The following DTNBP1 variants were observed in gnomAD, a reference collection of about 807,000 sequenced individuals.
The protein encoded by DTNBP1 is dysbindin.
In DTNBP1, 35 loss-of-function variants were observed where a neutral mutation model predicts 42.8. The ratio of observed to expected loss-of-function variants is 0.82; its 90% CI spans 0.63 to 1.09. The LOEUF is 1.09. Ranked by LOEUF, DTNBP1 falls within the 50% of genes least tolerant of loss-of-function variation. DTNBP1 has a pLI of 0.00. For missense variants in DTNBP1, 457 were observed against 424.2 expected (o/e 1.08, Z -0.68); for synonymous variants, 171 against 162.2 (o/e 1.05, Z -0.41).
intron 1 of DTNBP1, among the ~76,000 whole-genome samples, chr6:15,661,496 A>T (rs1287618666): frequency 6.6e-6 from 1 of 152,144 alleles, no homozygotes; most frequent in African/African-American, 2.4e-5. Context: ...GTCTCTACTA[A>T]AAAATACAAA....
intron 1 of DTNBP1, 147 bp downstream of exon 1, chr6:15,662,667 T>C (rs1761716593): frequency 8.2e-7 from 1 of 1,218,102 alleles, no homozygotes; most frequent in Non-Finnish European, 1.2e-6. Context: ...GCCGGGAAGT[T>C]CGTTACTTTC....
At chr6:15,548,001 A>G (rs1773982027) in intron 7 of DTNBP1, among the ~76,000 whole-genome samples, 1 of 152,236 alleles carries the variant, frequency 6.6e-6, no homozygotes, top group Non-Finnish European at 1.5e-5. Context: ...GAGATGTGAG[A>G]AAGTGAATAT....
In DTNBP1 at chr6:15,604,160, C is replaced by A. The variant is rs1475370905; in HGVS notation, c.489-11079G>T. Among the ~76,000 whole-genome samples the A allele has an allele frequency of 4.6e-5, 7 of 152,316 alleles. No individual in the cohort carries two copies. The East Asian group carries it at 1.4e-3, about 29-fold the overall frequency. On this transcript the variant is annotated intron_variant, in intron 6 of 9. Coordinates refer to ENST00000344537, the MANE Select transcript of DTNBP1 (RefSeq NM_032122.5). ...GGTACCATCACATCTCTTCTTTGTCCAAAATCCAGTGTCTTAAAAACATTC... is the reference window on the plus strand; with the variant it reads ...GGTACCATCACATCTCTTCTTTGTCAAAAATCCAGTGTCTTAAAAACATTC...
chr6:15,635,638 C>T (rs1323210970), intron 4 of DTNBP1, among the ~76,000 whole-genome samples: 1 of 152,150 alleles, frequency 6.6e-6, no homozygotes, highest in African/African-American at 2.4e-5. Flanking sequence ...GATAAAAATT[C>T]ATCGAATATT....
At chr6:15,567,882 T>G (rs1470955689) in intron 7 of DTNBP1, among the ~76,000 whole-genome samples, 1 of 152,208 alleles carries the variant, frequency 6.6e-6, no homozygotes, top group African/African-American at 2.4e-5. Context: ...GCTGGGTAAT[T>G]TTGGAAAGTT....
chr6:15,531,564 G>C (rs1277834368), intron 8 of DTNBP1, among the ~76,000 whole-genome samples: 3 of 152,184 alleles, frequency 2.0e-5, no homozygotes, highest in Non-Finnish European at 2.9e-5. Context: ...ACACTCTGAA[G>C]TCTTCAACTA....
chr6:15,612,056 A>T (rs757845526), intron 6 of DTNBP1, among the ~76,000 whole-genome samples: 2 of 152,212 alleles, frequency 1.3e-5, no homozygotes, highest in Non-Finnish European at 2.9e-5. Context: ...GCTGCAGAGA[A>T]ATCTTTCCAG....
At chr6:15,523,660 A>C (rs919877599) in intron 9 of DTNBP1, 2 of 1,287,252 alleles carry the variant, frequency 1.6e-6, no homozygotes, top group East Asian at 5.5e-5. Context: ...TATGGAACTA[A>C]ATAGGCTCTT....
chr6:15,592,992 G>A, intron 7 of DTNBP1, 67 bp downstream of exon 7: 1 of 1,405,572 alleles, frequency 7.1e-7, no homozygotes, highest in Non-Finnish European at 9.8e-7. Flanking sequence ...GTTCATCATT[G>A]TCGAGAGAAC....
At chr6:15,619,512 T>C (rs1409356164) in intron 5 of DTNBP1, among the ~76,000 whole-genome samples, 2 of 152,156 alleles carry the variant, frequency 1.3e-5, no homozygotes, top group Admixed American at 1.3e-4. Context: ...AAATATCTGA[T>C]CACCATGTCT....
chr6:15,549,127 A>G (rs1466655557), intron 7 of DTNBP1, among the ~76,000 whole-genome samples: 1 of 152,190 alleles, frequency 6.6e-6, no homozygotes, highest in Non-Finnish European at 1.5e-5. Context: ...GTTTAACTCC[A>G]AAGATCTGAG....
intron 7 of DTNBP1, among the ~76,000 whole-genome samples, chr6:15,567,347 G>A (rs886414846): frequency 1.3e-5 from 2 of 152,092 alleles, no homozygotes; most frequent in Admixed American, 6.6e-5. Flanking sequence ...CAGCTACTCA[G>A]GAGGCTGAGG....
intron 5 of DTNBP1, among the ~76,000 whole-genome samples, chr6:15,626,456 T>C (rs992541262): frequency 2.0e-5 from 3 of 152,136 alleles, no homozygotes; most frequent in Non-Finnish European, 4.4e-5. Context: ...AAGGCAATAT[T>C]AAAAACAGGA....
At chr6:15,641,325 G>C (rs1288961817) in intron 3 of DTNBP1, among the ~76,000 whole-genome samples, 3 of 152,182 alleles carry the variant, frequency 2.0e-5, no homozygotes, top group African/African-American at 7.2e-5. Flanking sequence ...ATTCTAGACA[G>C]AAAACTGAGG....
rs1200860301 is a variant in DTNBP1, at chr6:15,533,396, C to T, written c.512-1G>A. On this transcript the variant is annotated splice_acceptor_variant, in intron 7 of 9. Transcript: ENST00000344537. LOFTEE classifies it high-confidence loss of function. The stretch of plus-strand genomic sequence containing the variant: ...TGGGCGTGCTCTGCATCTAGTTCAG[C>T]TGAGGAAACAGAATAACTGGGGTTA... The T allele has an allele frequency of 6.2e-7, 1 of 1,614,100 alleles. No homozygotes were observed. Among genetic ancestry groups the T allele is most frequent in the African/African-American group, 1.3e-5 (1 of 74,924 alleles).
At chr6:15,538,834 C>T (rs1468881006) in intron 7 of DTNBP1, among the ~76,000 whole-genome samples, 2 of 152,358 alleles carry the variant, frequency 1.3e-5, no homozygotes, top group South Asian at 2.1e-4. Flanking sequence ...CTGGGATACA[C>T]TGTAACAAAC....
chr6:15,637,276 A>T (rs144763449), intron 4 of DTNBP1, among the ~76,000 whole-genome samples: 27 of 152,310 alleles, frequency 1.8e-4, no homozygotes, highest in African/African-American at 6.0e-4. Flanking sequence ...TTGTTCTTCT[A>T]AGTGAACTGA....
intron 9 of DTNBP1, chr6:15,523,489 T>C (rs1581687413): frequency 7.0e-6 from 9 of 1,286,608 alleles, no homozygotes; most frequent in South Asian, 6.0e-5. Flanking sequence ...GTAATACGCG[T>C]GTAATAGAGG....
chr6:15,641,969 C>T (rs1760386887), intron 3 of DTNBP1, among the ~76,000 whole-genome samples: 1 of 152,158 alleles, frequency 6.6e-6, no homozygotes, highest in African/African-American at 2.4e-5. Context: ...CTCCTGCATC[C>T]CCCTACACTG....
Sources: allele counts gnomAD v4.1 joint callset (sites outside exome capture counted in the v4.1 genomes callset), GRCh38; gene constraint gnomAD v4.1.1; transcripts MANE v1.5; gene names NCBI Gene and HGNC (gene_info 2026-07-23, HGNC 2026-07-21).